Variants in NLRC4 observed in about 807,000 individuals in gnomAD.
NLRC4 encodes the protein NLR family CARD domain containing 4.
A neutral mutation model predicts 79.9 loss-of-function variants in NLRC4; 63 were observed. The observed-to-expected ratio is 0.79, with a 90% CI of 0.64 to 0.97. The LOEUF (loss-of-function observed/expected upper bound fraction) is 0.97, where lower values mean the gene tolerates loss of function less well. Ranked by LOEUF, NLRC4 falls within the 50% of genes least tolerant of loss-of-function variation. The probability of loss-of-function intolerance (pLI) is 0.00; values close to 1 mark genes in which losing one functional copy is unlikely to be tolerated. For synonymous variants in NLRC4, 461 were observed against 456.5 expected (o/e 1.01, Z -0.12); for missense variants, 1,074 against 1,215.2 (o/e 0.88, Z 1.73).
rs1250002403 is a variant in NLRC4 at position 32,264,760 on chromosome 2, C to T, written c.-141G>A. 1.2e-4 allele frequency: 18 copies of T among 152,230 alleles called. No homozygotes were observed. The highest frequency in any genetic ancestry group is 2.5e-4 in the Non-Finnish European group (17 of 68,020). The allele number at this position is 152,230 out of a possible 1,614,324, so 9.4% of individuals were successfully genotyped here. Reference sequence around the variant, plus strand: ...TACCTGGCTGAGCAATCCAATTGCCCTCTTCTTGGGAGACCAAGACATGTT... The same window carrying T: ...TACCTGGCTGAGCAATCCAATTGCCTTCTTCTTGGGAGACCAAGACATGTT... On this transcript the variant is annotated 5_prime_UTR_variant, in exon 1 of 9. Coordinates refer to ENST00000402280, the MANE Select transcript of NLRC4 (RefSeq NM_001199138.2).
chr2:32,228,852 C>G (rs1686465707), intron 8 of NLRC4, among the ~76,000 whole-genome samples: 1 of 151,848 alleles, frequency 6.6e-6, no homozygotes, highest in African/African-American at 2.4e-5. Context: ...GCAATCTGCC[C>G]CACTGGCTCA....
intron 8 of NLRC4, among the ~76,000 whole-genome samples, chr2:32,225,923 TA>T (rs1686381237): frequency 6.6e-6 from 1 of 152,196 alleles, no homozygotes; most frequent in Non-Finnish European, 1.5e-5. Context: ...TAATATTAGA[TA>T]ATGTTCCAGA....
intron 8 of NLRC4, among the ~76,000 whole-genome samples, chr2:32,230,831 G>C (rs1158835040): frequency 1.3e-5 from 2 of 152,052 alleles, no homozygotes; most frequent in Admixed American, 6.6e-5. Context: ...TTAACATTTT[G>C]AACAACTTGC....
intron 8 of NLRC4, among the ~76,000 whole-genome samples, chr2:32,229,799 T>C (rs2148930526): frequency 6.6e-6 from 1 of 152,260 alleles, no homozygotes; most frequent in African/African-American, 2.4e-5. Flanking sequence ...ATCAAATAAA[T>C]TAAACACTTC....
intron 2 of NLRC4, 115 bp from the exon 3 acceptor site, chr2:32,252,794 A>G (rs988256336): frequency 2.6e-6 from 2 of 771,150 alleles, no homozygotes; most frequent in Non-Finnish European, 4.2e-6. Flanking sequence ...CGAGGCGGGC[A>G]GATCACGAGG....
At chr2:32,233,343 A>ATTTTTTT (rs1180601949) in intron 8 of NLRC4, among the ~76,000 whole-genome samples, 1 of 54,816 alleles carries the variant, frequency 1.8e-5, no homozygotes, top group African/African-American at 8.9e-5. Flanking sequence ...ATATATATAT[A>ATTTTTTT]TATATATTTT....
intron 2 of NLRC4, among the ~76,000 whole-genome samples, chr2:32,253,584 A>T (rs1687135512): frequency 6.6e-6 from 1 of 152,216 alleles, no homozygotes. Context: ...CGTTGGCTTT[A>T]GAATAATGGC....
Position 32,252,646 on chromosome 2 carries a change from A to G in NLRC4, c.35T>C (p.Ile12Thr). 6.2e-7 allele frequency: 1 copy of G among 1,613,684 alleles called. No individual in the cohort carries two copies. The highest frequency in any genetic ancestry group is 8.5e-7 in the Non-Finnish European group (1 of 1,179,546). Residue 12 changes from isoleucine (I) to threonine (T), a missense_variant, in exon 3 of 9, where the codon ATT becomes ACT. Transcript: ENST00000402280. ...NFIKDNSRAL[I>T]QRMGMTVIKQ... The stretch of plus-strand genomic sequence containing the variant: ...TATAACAGTCATTCCCATTCTTTGA[A>G]TAAGGGCTCGGCTATTGTCCTTTAT...
chr2:32,261,840 T>C (rs1420324426), intron 1 of NLRC4, among the ~76,000 whole-genome samples: 1 of 151,436 alleles, frequency 6.6e-6, no homozygotes, highest in African/African-American at 2.4e-5. Flanking sequence ...CCTAGCACTT[T>C]GGGAGGCTGA....
chr2:32,241,247 G>GA, intron 4 of NLRC4, 122 bp from the exon 5 acceptor site: 1 of 655,598 alleles, frequency 1.5e-6, no homozygotes, highest in Non-Finnish European at 2.7e-6. Context: ...AGCCAAAAAT[G>GA]CTCATGAAAT....
At chr2:32,237,425 C>T (rs1226724238) in intron 6 of NLRC4, among the ~76,000 whole-genome samples, 1 of 152,120 alleles carries the variant, frequency 6.6e-6, no homozygotes, top group Non-Finnish European at 1.5e-5. Context: ...GGCATGTGCT[C>T]ATTGTTCTCA....
intron 4 of NLRC4, among the ~76,000 whole-genome samples, chr2:32,244,901 G>A (rs1686894938): frequency 6.6e-6 from 1 of 151,652 alleles, no homozygotes; most frequent in Admixed American, 6.6e-5. Flanking sequence ...AGGAGGAGGA[G>A]GAGAAGGAGG....
rs2366742 is a variant in NLRC4, at chr2:32,224,808, T to A, written c.2783-43A>T. 2 of 1,017,738 alleles carry A rather than the reference T, an allele frequency of 2.0e-6. No homozygotes were observed. Among genetic ancestry groups the A allele is most frequent in the Middle Eastern group, 2.2e-4 (1 of 4,626 alleles). The allele number at this position is 1,017,738 out of a possible 1,614,324, so 63.0% of individuals were successfully genotyped here. On this transcript the variant is annotated intron_variant, in intron 8 of 8. Transcript: ENST00000402280. ...TATATTAGTTGGAAGAAAAATTTTT[T>A]TTAAAAAAAAAGAGAAATAGGTTCT... is the stretch of plus-strand genomic sequence containing the variant.
intron 5 of NLRC4, among the ~76,000 whole-genome samples, chr2:32,240,516 T>TG (rs1573480161): frequency 1.3e-5 from 2 of 151,926 alleles, no homozygotes; most frequent in African/African-American, 4.8e-5. Flanking sequence ...GTAAGCCATG[T>TG]GTTCTGCTTG....
intron 4 of NLRC4, among the ~76,000 whole-genome samples, chr2:32,243,763 A>T (rs1404895450): frequency 6.7e-6 from 1 of 149,804 alleles, no homozygotes; most frequent in East Asian, 2.0e-4. Flanking sequence ...GCATCATTGC[A>T]CTCAGCCTGG....
chr2:32,249,952 C>T lies in NLRC4; in HGVS notation c.1912G>A (p.Glu638Lys), dbSNP rs267599354. Residue 638 changes from glutamate to lysine, a missense_variant, in exon 4 of 9, where the codon GAG becomes AAG. Glu to Lys is a moderately conservative substitution (Grantham distance 56). Coordinates refer to ENST00000402280, the MANE Select transcript of NLRC4 (RefSeq NM_001199138.2). ...CTGGGAATGTAGGTTTCTGGGGCCT[C>T]TTCCATGTGGATTCCACCTGTGTCT... is the stretch of plus-strand genomic sequence containing the variant. ...AEDTGGIHME[E>K]APETYIPSRA... 1.2e-6 allele frequency: 2 copies of T among 1,614,214 alleles called. No individual in the cohort carries two copies. The highest frequency in any genetic ancestry group is 4.5e-5 in the East Asian group (2 of 44,886).
At chr2:32,232,127 G>A (rs113371202) in intron 8 of NLRC4, among the ~76,000 whole-genome samples, 42 of 152,198 alleles carry the variant, frequency 2.8e-4, no homozygotes, top group African/African-American at 9.6e-4. Flanking sequence ...TACTATTTTC[G>A]TCATGTCATA....
At chr2:32,235,231 G>T (rs932970693) in intron 8 of NLRC4, among the ~76,000 whole-genome samples, 170 bp downstream of exon 8, 9 of 152,116 alleles carry the variant, frequency 5.9e-5, no homozygotes, top group African/African-American at 2.2e-4. Context: ...CTGAAGGAAG[G>T]CCAGTGTTTT....
intron 4 of NLRC4, among the ~76,000 whole-genome samples, chr2:32,245,780 TTTACC>T (rs1686921378): frequency 6.6e-6 from 1 of 151,962 alleles, no homozygotes; most frequent in South Asian, 2.1e-4. Context: ...ATAGAAAAAA[TTTACC>T]TTATAGGGTT....
Sources: allele counts gnomAD v4.1 joint callset (sites outside exome capture counted in the v4.1 genomes callset), GRCh38; gene constraint gnomAD v4.1.1; transcripts MANE v1.5; gene names NCBI Gene and HGNC (gene_info 2026-07-23, HGNC 2026-07-21).